Variants in PLCE1 observed in about 807,000 individuals in gnomAD.
PLCE1 encodes phospholipase C epsilon 1, also known as 1-phosphatidylinositol 4,5-bisphosphate phosphodiesterase epsilon-1.
PLCE1 carries 119 observed loss-of-function variants against 242.8 expected under a neutral mutation model. The observed-to-expected ratio is 0.49, with a 90% confidence interval of 0.42 to 0.57. PLCE1 has a LOEUF of 0.57. Among genes scored for constraint, PLCE1 ranks in the 20% least tolerant of loss-of-function variants. The pLI, the probability that PLCE1 is intolerant of heterozygous loss-of-function variation, is 0.00. For synonymous variants in PLCE1, 945 were observed against 1,017.4 expected, an observed-to-expected ratio of 0.93 and a Z score of 1.35; for missense variants, 2,441 against 2,788.8, an observed-to-expected ratio of 0.88 and a Z score of 2.81.
rs1240515863 is a variant in PLCE1, at chr10:94,330,998, A to T, written c.*3055A>T. 1.3e-5 allele frequency: 2 copies of T among 152,224 alleles called. No homozygotes were observed. The highest frequency in any genetic ancestry group is 2.9e-5 in the Non-Finnish European group (2 of 68,046). The allele number at this position is 152,224 out of a possible 1,614,324, so 9.4% of individuals were successfully genotyped here. Reference sequence around the variant, plus strand: ...AAGAAGCATCACTGAAAGTGAAGAGAAAGGAGCATGAATTCTGTCACTCTA... The same window carrying T: ...AAGAAGCATCACTGAAAGTGAAGAGTAAGGAGCATGAATTCTGTCACTCTA... On this transcript the variant is annotated 3_prime_UTR_variant, in exon 33 of 33. Transcript: ENST00000371380.
Position 94,258,376 on chromosome 10 carries a change from G to C in PLCE1, c.3555-424G>C, listed in dbSNP as rs80023899. Among the ~76,000 whole-genome samples, 1,307 of 152,216 alleles carry C rather than the reference G, an allele frequency of 8.6e-3. 11 individuals are homozygous for C. The highest frequency in any genetic ancestry group is 0.012 in the Non-Finnish European group (790 of 68,014). ...AAGGAATCAGACAATACACTCAAAG[G>C]TTTCTTCTTAAATGTAATTCTATAA... is the stretch of plus-strand genomic sequence containing the variant. On this transcript the variant is annotated intron_variant, in intron 11 of 32. Coordinates refer to ENST00000371380, the MANE Select transcript of PLCE1 (RefSeq NM_016341.4).
intron 5 of PLCE1, among the ~76,000 whole-genome samples, chr10:94,229,064 C>T (rs1268883012): frequency 6.6e-6 from 1 of 151,952 alleles, no homozygotes; most frequent in African/African-American, 2.4e-5. Context: ...CGCCTGTAAT[C>T]CCAGCTACTC....
chr10:94,299,355 C>T (rs2052956259), intron 24 of PLCE1, among the ~76,000 whole-genome samples: 1 of 152,104 alleles, frequency 6.6e-6, no homozygotes, highest in Admixed American at 6.5e-5. Flanking sequence ...AAGTTGTGTA[C>T]CTTTATGATC....
In PLCE1 at chr10:94,171,129, G is replaced by T. The variant is rs368326615; in HGVS notation, c.1493-51G>T. On this transcript the variant is annotated intron_variant, in intron 3 of 32. Coordinates refer to ENST00000371380, the MANE Select transcript of PLCE1 (RefSeq NM_016341.4). ...AATGGCTCTCAAGTAAATATCTGTTGCAGGGGACACCAGATTTGATGTAAC... is the reference window on the plus strand; with the variant it reads ...AATGGCTCTCAAGTAAATATCTGTTTCAGGGGACACCAGATTTGATGTAAC... 6 of 1,427,446 alleles carry T rather than the reference G, an allele frequency of 4.2e-6. No homozygotes were observed. The Admixed American group carries it at 1.0e-4, about 24-fold the overall frequency. The allele number at this position is 1,427,446 out of a possible 1,614,324, so 88.4% of individuals were successfully genotyped here.
At chr10:94,035,921 T>C (rs149845988) in intron 2 of PLCE1, among the ~76,000 whole-genome samples, 503 of 152,286 alleles carry the variant, frequency 3.3e-3, no homozygotes, top group African/African-American at 0.011. Context: ...CTCAATCAGA[T>C]TGTAAATCGA....
At chr10:94,055,196 G>C (rs1296360163) in intron 2 of PLCE1, among the ~76,000 whole-genome samples, 1 of 151,642 alleles carries the variant, frequency 6.6e-6, no homozygotes, top group Non-Finnish European at 1.5e-5. Flanking sequence ...ATGTGACAGA[G>C]TTGTTCTAAG....
chr10:94,071,216 G>C (rs932227039), intron 2 of PLCE1, among the ~76,000 whole-genome samples: 1 of 152,088 alleles, frequency 6.6e-6, no homozygotes. Flanking sequence ...GCTGGAAGGA[G>C]TGTCCTGCTC....
At position 94,246,041 on chromosome 10, in the gene PLCE1, T is replaced by C; in HGVS notation, c.2516T>C (p.Phe839Ser). The change falls in exon 8 of 33, where the codon TTC becomes TCC. Residue 839 changes from phenylalanine to serine, a missense_variant. Physicochemically the swap from Phe to Ser is radical, Grantham distance 155. This residue lies in a region of PLCE1 where 733 missense variants were observed against 754.2 expected (regional missense o/e 0.97). Transcript: ENST00000371380. ...GGTTCAGAGGACTCACAGAAGGCCT[T>C]CGACCATGGGACGGAGCTCATCCCT... Reference protein sequence around the residue: ...SHGSEDSQKAFDHGTELIPWY... With the variant: ...SHGSEDSQKASDHGTELIPWY... 1 of 1,614,124 alleles carries C rather than the reference T, an allele frequency of 6.2e-7. No individual in the cohort carries two copies. The highest frequency in any genetic ancestry group is 1.1e-5 in the South Asian group (1 of 91,068).
intron 4 of PLCE1, among the ~76,000 whole-genome samples, chr10:94,208,483 G>A (rs1418001249): frequency 2.6e-5 from 4 of 152,180 alleles, no homozygotes; most frequent in African/African-American, 4.8e-5. Context: ...GTGGTCCCCC[G>A]ACCAGCACAT....
At chr10:94,013,644 A>G (rs1175758653) in intron 1 of PLCE1, among the ~76,000 whole-genome samples, 1 of 152,230 alleles carries the variant, frequency 6.6e-6, no homozygotes, top group Non-Finnish European at 1.5e-5. Context: ...CTCTCAGGAA[A>G]TTCTAGTTCT....
At chr10:93,998,690 T>G (rs2060876388) in intron 1 of PLCE1, among the ~76,000 whole-genome samples, 1 of 152,198 alleles carries the variant, frequency 6.6e-6, no homozygotes, top group South Asian at 2.1e-4. Context: ...CCCCCAGGGC[T>G]CCTCAAGTCT....
chr10:94,215,612 G>C (rs917026165), intron 4 of PLCE1, among the ~76,000 whole-genome samples: 1 of 152,136 alleles, frequency 6.6e-6, no homozygotes, highest in Admixed American at 6.6e-5. Flanking sequence ...GATGGGCTTT[G>C]GGTCCTCCAG....
rs879419941 is a variant in PLCE1, at chr10:94,090,172, T to TA, written c.1207-41991dup. ...CATTTCCAAATTCTGTTGCTTTTCT[T>TA]AAAAAAAAAAAGGAGTTAAAAATAA... On this transcript the variant is annotated intron_variant, in intron 2 of 32. Transcript: ENST00000371380. 1.3e-3 allele frequency among the ~76,000 whole-genome samples: 191 copies of TA among 144,944 alleles called. 1 individual carries two copies. Among genetic ancestry groups the TA allele is most frequent in the African/African-American group, 3.8e-3 (149 of 39,706 alleles).
chr10:94,137,385 T>A (rs895857725), intron 3 of PLCE1, among the ~76,000 whole-genome samples: 6 of 152,130 alleles, frequency 3.9e-5, no homozygotes, highest in African/African-American at 1.4e-4. Context: ...CTGAAAATTA[T>A]AAAAACAAGA....
intron 2 of PLCE1, among the ~76,000 whole-genome samples, chr10:94,053,494 TA>T (rs2134829443): frequency 6.6e-6 from 1 of 152,370 alleles, no homozygotes; most frequent in South Asian, 2.1e-4. Flanking sequence ...TGGTCATTTA[TA>T]GTCGGTTGCC....
chr10:94,317,696 A>T (rs1032133474), intron 29 of PLCE1, among the ~76,000 whole-genome samples: 1 of 152,212 alleles, frequency 6.6e-6, no homozygotes, highest in African/African-American at 2.4e-5. Flanking sequence ...GTTGACTCCA[A>T]ACTGATTGGC....
chr10:94,047,156 C>A (rs1294823398), intron 2 of PLCE1, among the ~76,000 whole-genome samples: 1 of 152,172 alleles, frequency 6.6e-6, no homozygotes, highest in East Asian at 1.9e-4. Flanking sequence ...TTTTTAACCA[C>A]AATGCTATAT....
intron 29 of PLCE1, among the ~76,000 whole-genome samples, chr10:94,319,016 C>T (rs1051854752): frequency 6.6e-6 from 1 of 152,106 alleles, no homozygotes; most frequent in Non-Finnish European, 1.5e-5. Context: ...CCACTGTGTT[C>T]CAGCCTGGGT....
chr10:94,227,237 G>C (rs2049976836), intron 4 of PLCE1, 69 bp from the exon 5 acceptor site: 1 of 1,430,124 alleles, frequency 7.0e-7, no homozygotes, highest in Admixed American at 1.7e-5. Context: ...AACAAAGAAT[G>C]CTTTTGGAAA....
Sources: gnomAD v4.1 joint callset for allele counts (sites outside exome capture counted in the v4.1 genomes callset) on GRCh38, gnomAD v4.1.1 for gene constraint, gnomAD v4.1.1 regional missense constraint, MANE v1.5 for transcripts, NCBI Gene and HGNC (gene_info 2026-07-23, HGNC 2026-07-21) for gene names.